WDR6: variants seen among roughly 807,000 people sequenced by gnomAD.
WDR6 encodes WD repeat domain 6, also known as tRNA (34-2'-O)-methyltransferase regulator WDR6.
In WDR6, 58 loss-of-function variants were observed where a neutral mutation model predicts 85.6. The ratio of observed to expected loss-of-function variants is 0.68; its 90% CI spans 0.55 to 0.84. The LOEUF (loss-of-function observed/expected upper bound fraction) is 0.84, where lower values mean the gene tolerates loss of function less well. Ranked by LOEUF, WDR6 falls within the 40% of genes least tolerant of loss-of-function variation. The pLI is 0.00. For synonymous variants in WDR6, 569 were observed against 582.2 expected (o/e 0.98, Z 0.33); for missense variants, 1,310 against 1,476.4 (o/e 0.89, Z 1.85).
rs905232490 is a variant in WDR6 at position 49,007,904 on chromosome 3, A to T, written c.100+373A>T. On this transcript the variant is annotated intron_variant, in intron 1 of 5. Coordinates refer to ENST00000608424, the MANE Select transcript of WDR6 (RefSeq NM_018031.6). This position sits in a 1 kb window ranked among gnomAD's most constrained non-coding sequence, Gnocchi z 5.1. ...GATGGGCGGGGGCTTGGCCTCTCCG[A>T]AGGAGACGGGGCCGAGCTGGGGGGG... is the stretch of plus-strand genomic sequence containing the variant. Among the ~76,000 whole-genome samples the T allele has an allele frequency of 2.3e-5, 3 of 132,984 alleles. No homozygotes were observed. The highest frequency in any genetic ancestry group is 4.8e-5 in the Non-Finnish European group (3 of 61,946). 87.2% of individuals were successfully genotyped at this position (132,984 alleles called of 152,430 possible).
Position 49,013,805 on chromosome 3 carries a change from C to A in WDR6, c.2271C>A (p.Leu757=), listed in dbSNP as rs367843788. 8.7e-6 allele frequency: 14 copies of A among 1,614,132 alleles called. No individual in the cohort carries two copies. The highest frequency in any genetic ancestry group is 1.2e-5 in the Non-Finnish European group (14 of 1,180,010). Residue 757 remains leucine (L), a synonymous_variant, in exon 2 of 6, where the codon CTC becomes CTA. Transcript: ENST00000608424. The surrounding 1 kb of genome is among the most constrained non-coding windows in gnomAD (Gnocchi z 4.6). ...SEDTTVCVLA[L]PTTTGSAHAL... is the part of the protein sequence containing the mutation. ...ACACTACTGTCTGTGTCCTAGCACTCCCTACAACCACAGGCTCAGCCCACG... is the reference window on the plus strand; with the variant it reads ...ACACTACTGTCTGTGTCCTAGCACTACCTACAACCACAGGCTCAGCCCACG...
At position 49,007,719 on chromosome 3, in the gene WDR6, G is replaced by A. The variant is rs2106679129; in HGVS notation, c.100+188G>A. Reference sequence around the variant, plus strand: ...GGCCAACCTGAAGAGGGCGGGGCCCGAGAGACAAAGCTGATGTGGCCGCCG... The same window carrying A: ...GGCCAACCTGAAGAGGGCGGGGCCCAAGAGACAAAGCTGATGTGGCCGCCG... On this transcript the variant is annotated intron_variant, in intron 1 of 5. Coordinates refer to ENST00000608424, the MANE Select transcript of WDR6 (RefSeq NM_018031.6). This position sits in a 1 kb window ranked among gnomAD's most constrained non-coding sequence, Gnocchi z 5.1. The A allele has an allele frequency of 1.5e-6, 2 of 1,297,750 alleles. No individual in the cohort carries two copies. Among genetic ancestry groups the A allele is most frequent in the South Asian group, 4.3e-5 (2 of 46,984 alleles). 80.4% of individuals were successfully genotyped at this position (1,297,750 alleles called of 1,614,324 possible). A position where few individuals can be genotyped will look rare whatever the true frequency, so the allele number is the denominator to read the frequency against.
At position 49,012,151 on chromosome 3, in the gene WDR6, G is replaced by T; in HGVS notation, c.617G>T (p.Ser206Ile). 1 of 1,614,212 alleles carries T rather than the reference G, an allele frequency of 6.2e-7. No individual in the cohort carries two copies. Among genetic ancestry groups the T allele is most frequent in the Non-Finnish European group, 8.5e-7 (1 of 1,180,040 alleles). The change falls in exon 2 of 6, where the codon AGT becomes ATT. Residue 206 changes from serine (S) to isoleucine (I), a missense_variant. Transcript: ENST00000608424. This position sits in a 1 kb window ranked among gnomAD's most constrained non-coding sequence, Gnocchi z 4.4. The stretch of plus-strand genomic sequence containing the variant: ...CCTGTAGCACCTGACCGACGAATCA[G>T]TGGGCATGTGGGCATCATCTTCAGC... Reference protein sequence around the residue: ...NKPVAPDRRISGHVGIIFSMS... With the variant: ...NKPVAPDRRIIGHVGIIFSMS...
chr3:49,011,015 CAAAAA>C (rs1201572210), intron 1 of WDR6: 1 of 342,858 alleles, frequency 2.9e-6, no homozygotes, highest in East Asian at 9.0e-5. Context: ...GACTCTGTCT[CAAAAA>C]AAAAAAGAAT....
At position 49,011,960 on chromosome 3, in the gene WDR6, C is replaced by T; in HGVS notation, c.426C>T (p.Asp142=). 1 of 1,614,176 alleles carries T rather than the reference C, an allele frequency of 6.2e-7. No individual in the cohort carries two copies. The highest frequency in any genetic ancestry group is 8.5e-7 in the Non-Finnish European group (1 of 1,180,024). The change falls in exon 2 of 6, where the codon GAC becomes GAT. Residue 142 remains aspartate, a synonymous_variant. Transcript: ENST00000608424. ...ALGHNSVVLY[D]PVVGCILQEV... Reference sequence around the variant, plus strand: ...GCCACAACTCAGTGGTGCTATATGACCCTGTAGTAGGGTGCATCCTGCAAG... The same window carrying T: ...GCCACAACTCAGTGGTGCTATATGATCCTGTAGTAGGGTGCATCCTGCAAG...
Position 49,012,231 on chromosome 3 carries a change from G to T in WDR6, c.697G>T (p.Val233Phe), listed in dbSNP as rs190640692. 15 of 1,614,264 alleles carry T rather than the reference G, an allele frequency of 9.3e-6. No homozygotes were observed. In the East Asian group the frequency reaches 3.3e-4, roughly 36 times the overall value. Residue 233 changes from valine (V) to phenylalanine (F), a missense_variant, in exon 2 of 6, where the codon GTT becomes TTT. Val to Phe is a conservative substitution (Grantham distance 50). Coordinates refer to ENST00000608424, the MANE Select transcript of WDR6 (RefSeq NM_018031.6). The surrounding 1 kb of genome is among the most constrained non-coding windows in gnomAD (Gnocchi z 4.4). ...GGCTACAGCTTCAGAAGACCGAAGC[G>T]TTCGTATCTGGAAGGTGGGCGACCT... ...LLATASEDRS[V>F]RIWKVGDLRV...
Position 49,011,782 on chromosome 3 carries a change from T to C in WDR6, c.248T>C (p.Met83Thr), listed in dbSNP as rs2093016561. Residue 83 changes from methionine to threonine, a missense_variant, in exon 2 of 6, where the codon ATG (methionine) becomes ACG (threonine). Met to Thr is a moderately conservative substitution (Grantham distance 81). Transcript: ENST00000608424. ...AATGGAGACCTTGACTTGGAGGCCATGGTGGCTGTGTTTGGAAGCAAGGGA... is the reference window on the plus strand; with the variant it reads ...AATGGAGACCTTGACTTGGAGGCCACGGTGGCTGTGTTTGGAAGCAAGGGA... ...EPNGDLDLEA[M>T]VAVFGSKGLR... 4 of 1,614,100 alleles carry C rather than the reference T, an allele frequency of 2.5e-6. No individual in the cohort carries two copies. The highest frequency in any genetic ancestry group is 1.7e-5 in the Admixed American group (1 of 60,002).
Position 49,014,399 on chromosome 3 carries a change from G to C in WDR6, c.2683G>C (p.Asp895His). 1 of 1,614,126 alleles carries C rather than the reference G, an allele frequency of 6.2e-7. No individual in the cohort carries two copies. Among genetic ancestry groups the C allele is most frequent in the Non-Finnish European group, 8.5e-7 (1 of 1,180,014 alleles). Reference protein sequence around the residue: ...DGAVRLFLLQDSGRILQLLAE... With the variant: ...DGAVRLFLLQHSGRILQLLAE... ...GCCCCCCAGGCTCTTTCTTTTGCAGGATTCTGGGCGGATTCTGCAGCTCCT... is the reference window on the plus strand; with the variant it reads ...GCCCCCCAGGCTCTTTCTTTTGCAGCATTCTGGGCGGATTCTGCAGCTCCT... Residue 895 changes from aspartate (D) to histidine (H), a missense_variant, in exon 4 of 6, where the codon GAT becomes CAT. By Grantham distance (81) the Asp-to-His change is moderately conservative. Coordinates refer to ENST00000608424, the MANE Select transcript of WDR6 (RefSeq NM_018031.6). This position sits in a 1 kb window ranked among gnomAD's most constrained non-coding sequence, Gnocchi z 4.9.
intron 1 of WDR6, among the ~76,000 whole-genome samples, chr3:49,009,484 G>A (rs1001139342): frequency 1.3e-5 from 2 of 151,932 alleles, no homozygotes; most frequent in African/African-American, 2.4e-5. Context: ...ATCTTGCCTC[G>A]ATTGACCTTT....
chr3:49,012,543 G>T lies in WDR6; in HGVS notation c.1009G>T (p.Val337Phe). 2 of 1,614,072 alleles carry T rather than the reference G, an allele frequency of 1.2e-6. No homozygotes were observed. The highest frequency in any genetic ancestry group is 1.7e-6 in the Non-Finnish European group (2 of 1,180,020). Reference protein sequence around the residue: ...LVGRGYRGLGVSALCFKSRSR... With the variant: ...LVGRGYRGLGFSALCFKSRSR... ...AGGGCGTGGGTACCGGGGATTGGGGGTCTCGGCTCTCTGCTTCAAGTCCCG... is the reference window on the plus strand; with the variant it reads ...AGGGCGTGGGTACCGGGGATTGGGGTTCTCGGCTCTCTGCTTCAAGTCCCG... The change falls in exon 2 of 6, where the codon GTC becomes TTC. Residue 337 changes from valine to phenylalanine, a missense_variant. Physicochemically the swap from Val to Phe is conservative, Grantham distance 50. Coordinates refer to ENST00000608424, the MANE Select transcript of WDR6 (RefSeq NM_018031.6). This position sits in a 1 kb window ranked among gnomAD's most constrained non-coding sequence, Gnocchi z 4.4.
At position 49,007,784 on chromosome 3, in the gene WDR6, T is replaced by TG; in HGVS notation, c.100+255dup. 9.6e-7 allele frequency: 1 copy of TG among 1,045,914 alleles called. No homozygotes were observed. The highest frequency in any genetic ancestry group is 1.2e-6 in the Non-Finnish European group (1 of 808,102). 64.8% of individuals were successfully genotyped at this position (1,045,914 alleles called of 1,614,324 possible). A position where few individuals can be genotyped will look rare whatever the true frequency, so the allele number is the denominator to read the frequency against. The stretch of plus-strand genomic sequence containing the variant: ...CTTCAGCCCGCGTGGAAAGGGCGGG[T>TG]GGAACCGCGGGAGGGTGCAGGGGAA... On this transcript the variant is annotated intron_variant, in intron 1 of 5. Coordinates refer to ENST00000608424, the MANE Select transcript of WDR6 (RefSeq NM_018031.6). This position sits in a 1 kb window ranked among gnomAD's most constrained non-coding sequence, Gnocchi z 5.1.
In WDR6 at chr3:49,014,777, C is replaced by A. The variant is rs1553730388; in HGVS notation, c.2903-48C>A. ...CCTCACCTGTCACATAGCCCTCACA[C>A]ATGTGGCAGGCGGGGCCCTGACAAC... On this transcript the variant is annotated intron_variant, in intron 5 of 5. Coordinates refer to ENST00000608424, the MANE Select transcript of WDR6 (RefSeq NM_018031.6). This position sits in a 1 kb window ranked among gnomAD's most constrained non-coding sequence, Gnocchi z 4.9. 6.2e-7 allele frequency: 1 copy of A among 1,606,372 alleles called. No individual in the cohort carries two copies. The highest frequency in any genetic ancestry group is 8.5e-7 in the Non-Finnish European group (1 of 1,174,794).
rs1286690846 is a variant in WDR6 at position 49,012,402 on chromosome 3, C to T, written c.868C>T (p.Leu290Phe). 4 of 1,614,072 alleles carry T rather than the reference C, an allele frequency of 2.5e-6. No homozygotes were observed. In the African/African-American group the frequency reaches 5.3e-5, roughly 22 times the overall value. The change falls in exon 2 of 6, where the codon CTC (leucine) becomes TTC (phenylalanine). Residue 290 changes from leucine (L) to phenylalanine (F), a missense_variant. Leu to Phe is a conservative substitution (Grantham distance 22). Transcript: ENST00000608424. The surrounding 1 kb of genome is among the most constrained non-coding windows in gnomAD (Gnocchi z 4.4). The stretch of plus-strand genomic sequence containing the variant: ...GGTGTGGAGCCATGAAGGTGAGATC[C>T]TCCAGGCCTTTCGGGGACACCAGGG... ...CLVWSHEGEI[L>F]QAFRGHQGRG...
chr3:49,012,014 C>T lies in WDR6; in HGVS notation c.480C>T (p.Leu160=). 6.2e-7 allele frequency: 1 copy of T among 1,614,216 alleles called. No individual in the cohort carries two copies. Among genetic ancestry groups the T allele is most frequent in the South Asian group, 1.1e-5 (1 of 91,090 alleles). Residue 160 remains leucine (L), a synonymous_variant, in exon 2 of 6, where the codon CTC becomes CTT. Transcript: ENST00000608424. The surrounding 1 kb of genome is among the most constrained non-coding windows in gnomAD (Gnocchi z 4.4). ...QEVPCTDRCT[L]SSACLIGDAW... is the part of the protein sequence containing the mutation. ...TGCCCTGCACAGACAGGTGCACCCT[C>T]TCTTCAGCCTGCCTGATTGGAGACG...
intron 1 of WDR6, chr3:49,011,231 C>T (rs2093012709): frequency 5.1e-6 from 2 of 394,672 alleles, no homozygotes; most frequent in South Asian, 1.9e-5. Context: ...ATTACAGGCA[C>T]GTGCCACCAC....
Position 49,013,292 on chromosome 3 carries a change from G to C in WDR6, c.1758G>C (p.Gly586=). 1 of 1,614,140 alleles carries C rather than the reference G, an allele frequency of 6.2e-7. No homozygotes were observed. The highest frequency in any genetic ancestry group is 8.5e-7 in the Non-Finnish European group (1 of 1,180,022). ...TCHGGYVYTT[G]RDGAYYQLFV... ...ATGGTGGCTATGTGTATACCACAGG[G>C]CGTGATGGAGCCTACTACCAGCTGT... The change falls in exon 2 of 6, where the codon GGG becomes GGC. Residue 586 remains glycine, a synonymous_variant. Coordinates refer to ENST00000608424, the MANE Select transcript of WDR6 (RefSeq NM_018031.6). This position sits in a 1 kb window ranked among gnomAD's most constrained non-coding sequence, Gnocchi z 4.6.
rs1287924799 is a variant in WDR6, at chr3:49,014,306, G to C, written c.2666+13G>C. 2 of 1,614,104 alleles carry C rather than the reference G, an allele frequency of 1.2e-6. No individual in the cohort carries two copies. Among genetic ancestry groups the C allele is most frequent in the Non-Finnish European group, 1.7e-6 (2 of 1,180,010 alleles). Reference sequence around the variant, plus strand: ...ATGGGGCCGTAAGGTGAGAGCATAGGGCCCAGTGGGACAGGAGACAAAGGA... The same window carrying C: ...ATGGGGCCGTAAGGTGAGAGCATAGCGCCCAGTGGGACAGGAGACAAAGGA... On this transcript the variant is annotated intron_variant, in intron 3 of 5. Coordinates refer to ENST00000608424, the MANE Select transcript of WDR6 (RefSeq NM_018031.6). This position sits in a 1 kb window ranked among gnomAD's most constrained non-coding sequence, Gnocchi z 4.9.
chr3:49,015,225 T>TGAG lies in WDR6; in HGVS notation c.3304_3306dup (p.Glu1102dup), dbSNP rs1559900587. The TGAG allele has an allele frequency of 1.2e-6, 2 of 1,613,584 alleles. No homozygotes were observed. The highest frequency in any genetic ancestry group is 1.7e-6 in the Non-Finnish European group (2 of 1,180,012). On this transcript the variant is annotated inframe_insertion, in exon 6 of 6. Transcript: ENST00000608424. ...ACATGGACTGCTGGCCTGTGAGCCC[T>TGAG]GAGTTTGGCCACCGTTGTGCCCTTG...
chr3:49,013,183 G>T lies in WDR6; in HGVS notation c.1649G>T (p.Gly550Val). Residue 550 changes from glycine to valine, a missense_variant, in exon 2 of 6, where the codon GGT becomes GTT. Physicochemically the swap from Gly to Val is moderately radical, Grantham distance 109 (BLOSUM62 -3). Transcript: ENST00000608424. The surrounding 1 kb of genome is among the most constrained non-coding windows in gnomAD (Gnocchi z 4.6). Reference sequence around the variant, plus strand: ...GTAGTGGGTAGTGGTAGTAGTGGGGGTGGGAATGCTTTCACTGGGTTGGGC... The same window carrying T: ...GTAGTGGGTAGTGGTAGTAGTGGGGTTGGGAATGCTTTCACTGGGTTGGGC... ...APVVGSGSSGGGNAFTGLGPV... is the reference protein window; with the variant it reads ...APVVGSGSSGVGNAFTGLGPV... The T allele has an allele frequency of 1.2e-6, 2 of 1,612,650 alleles. No homozygotes were observed. The highest frequency in any genetic ancestry group is 2.2e-5 in the South Asian group (2 of 91,022).
Sources: gnomAD v4.1 joint callset for allele counts (sites outside exome capture counted in the v4.1 genomes callset) on GRCh38, gnomAD v4.1.1 for gene constraint, Gnocchi (gnomAD v3.1) non-coding constraint, MANE v1.5 for transcripts, NCBI Gene and HGNC (gene_info 2026-07-23, HGNC 2026-07-21) for gene names.